Variants in SLC22A24 observed in about 807,000 individuals in gnomAD.
The protein encoded by SLC22A24 is steroid transmembrane transporter SLC22A24.
Under a neutral mutation model 49.8 loss-of-function variants are expected in SLC22A24, and 53 were observed. That is an observed-to-expected ratio of 1.06 (90% confidence interval 0.85 to 1.34). The LOEUF (loss-of-function observed/expected upper bound fraction) is 1.34, where lower values mean the gene tolerates loss of function less well. SLC22A24 is among the 40% of genes most tolerant of loss of function. SLC22A24 has a pLI of 0.00. For missense variants in SLC22A24, 786 were observed against 675.9 expected (o/e 1.16, Z -1.81); for synonymous variants, 302 against 256.4 (o/e 1.18, Z -1.70).
In SLC22A24 at chr11:63,143,363, C is replaced by T; in HGVS notation, c.402+15G>A. On this transcript the variant is annotated intron_variant, in intron 1 of 9. Transcript: ENST00000612278. ...TTTAATCATATAAACAGAAGATTTACATGGGGCCTCTTACCTCAGTCACGA... is the reference window on the plus strand; with the variant it reads ...TTTAATCATATAAACAGAAGATTTATATGGGGCCTCTTACCTCAGTCACGA... 1 of 1,433,694 alleles carries T rather than the reference C, an allele frequency of 7.0e-7. No homozygotes were observed. The highest frequency in any genetic ancestry group is 9.2e-7 in the Non-Finnish European group (1 of 1,090,998). The allele number at this position is 1,433,694 out of a possible 1,614,324, so 88.8% of individuals were successfully genotyped here. A position where few individuals can be genotyped will look rare whatever the true frequency, so the allele number is the denominator to read the frequency against.
chr11:63,121,942 T>G (rs1057418655), intron 2 of SLC22A24, among the ~76,000 whole-genome samples: 2 of 151,934 alleles, frequency 1.3e-5, no homozygotes, highest in Non-Finnish European at 2.9e-5. Context: ...AATAAACACA[T>G]GAGAAAGCCC....
intron 2 of SLC22A24, among the ~76,000 whole-genome samples, chr11:63,126,252 G>C (rs563718417): frequency 8.5e-5 from 13 of 152,236 alleles, no homozygotes; most frequent in Non-Finnish European, 1.6e-4. Context: ...GACCTGAATG[G>C]TATTGACTAG....
chr11:63,095,051 T>C (rs1459045824), intron 6 of SLC22A24, among the ~76,000 whole-genome samples: 2 of 152,214 alleles, frequency 1.3e-5, no homozygotes, highest in Non-Finnish European at 1.5e-5. Flanking sequence ...CATGAAGTCC[T>C]TGCCCATGCG....
chr11:63,143,470 T>A lies in SLC22A24; in HGVS notation c.310A>T (p.Thr104Ser), dbSNP rs1224486248. The change falls in exon 1 of 10, where the codon ACC (threonine) becomes TCC (serine). Residue 104 changes from threonine to serine, a missense_variant. Thr to Ser is a moderately conservative substitution (Grantham distance 58, BLOSUM62 1). Coordinates refer to ENST00000612278, the MANE Select transcript of SLC22A24 (RefSeq NM_001136506.2). ...PQWQLLHLNGTFPNTNEPDTE... is the reference protein window; with the variant it reads ...PQWQLLHLNGSFPNTNEPDTE... ...TCTGGCTCATTTGTGTTGGGGAAGG[T>A]CCCGTTCAGGTGAAGGAGCTGCCAC... 6.3e-7 allele frequency: 1 copy of A among 1,597,372 alleles called. No individual in the cohort carries two copies. The highest frequency in any genetic ancestry group is 8.5e-7 in the Non-Finnish European group (1 of 1,172,106).
At chr11:63,097,537 G>A (rs1164900989) in intron 5 of SLC22A24, among the ~76,000 whole-genome samples, 1 of 152,098 alleles carries the variant, frequency 6.6e-6, no homozygotes, top group Admixed American at 6.6e-5. Flanking sequence ...TCTAGAACCA[G>A]AAATACCATT....
chr11:63,094,433 A>G (rs2087040144), intron 6 of SLC22A24, among the ~76,000 whole-genome samples: 1 of 152,176 alleles, frequency 6.6e-6, no homozygotes. Context: ...TAGTGCCACA[A>G]TAAACATACA....
intron 2 of SLC22A24, among the ~76,000 whole-genome samples, chr11:63,121,526 C>CA (rs11430358): frequency 0.8 from 120,310 of 151,316 alleles, 48,893 homozygotes; most frequent in East Asian, 0.9. Context: ...TGGTGAATGA[C>CA]AAAGGTTAGA....
chr11:63,143,732 GA>G lies in SLC22A24; in HGVS notation c.47del (p.Phe16SerfsTer5), dbSNP rs1428500477. The G allele has an allele frequency of 1.3e-6, 2 of 1,501,066 alleles. No individual in the cohort carries two copies. The highest frequency in any genetic ancestry group is 1.8e-6 in the Non-Finnish European group (2 of 1,124,436). 93.0% of individuals were successfully genotyped at this position (1,501,066 alleles called of 1,614,324 possible). On this transcript the variant is annotated frameshift_variant, in exon 1 of 10. Coordinates refer to ENST00000612278, the MANE Select transcript of SLC22A24 (RefSeq NM_001136506.2). LOFTEE classifies it high-confidence loss of function. ...LLDQVGGMGRFQICLIAFFCI... is the reference protein window; with the variant it reads ...LLDQVGGMGRXQICLIAFFCI... ...AAAAGAAAGCTATCAGACAAATCTG[GA>G]ATCTCCCCATGCCACCCACTTGATC...
chr11:63,090,320 A>C (rs1411419089), intron 6 of SLC22A24, among the ~76,000 whole-genome samples: 1 of 152,024 alleles, frequency 6.6e-6, no homozygotes, highest in Non-Finnish European at 1.5e-5. Context: ...AGAATTAACA[A>C]GGGTATTCAG....
chr11:63,133,722 A>C (rs941856512), intron 2 of SLC22A24, among the ~76,000 whole-genome samples: 22 of 151,912 alleles, frequency 1.4e-4, no homozygotes, highest in Non-Finnish European at 2.5e-4. Flanking sequence ...GCTCACTGCA[A>C]CCTCTGCCTT....
At chr11:63,112,298 G>A (rs1181587252) in intron 4 of SLC22A24, among the ~76,000 whole-genome samples, 1 of 152,150 alleles carries the variant, frequency 6.6e-6, no homozygotes. Flanking sequence ...AATAAGTGTG[G>A]TGTAGTGCTG....
At chr11:63,114,835 G>T (rs2087200169) in intron 4 of SLC22A24, among the ~76,000 whole-genome samples, 1 of 152,210 alleles carries the variant, frequency 6.6e-6, no homozygotes, top group Admixed American at 6.5e-5. Flanking sequence ...AGGTCTGTTG[G>T]AGTTTGCTGG....
intron 6 of SLC22A24, among the ~76,000 whole-genome samples, chr11:63,087,584 C>T (rs771926630): frequency 2.6e-5 from 4 of 152,186 alleles, no homozygotes; most frequent in Non-Finnish European, 4.4e-5. Flanking sequence ...CATTTACTCC[C>T]CTCCCCTGGA....
chr11:63,136,528 A>G (rs572485478), intron 1 of SLC22A24, among the ~76,000 whole-genome samples: 19 of 152,354 alleles, frequency 1.2e-4, no homozygotes, highest in African/African-American at 4.3e-4. Flanking sequence ...CCTCTTGCCA[A>G]CTGACTCCCA....
chr11:63,099,823 A>G (rs1467195612), intron 5 of SLC22A24, among the ~76,000 whole-genome samples: 1 of 152,140 alleles, frequency 6.6e-6, no homozygotes, highest in African/African-American at 2.4e-5. Context: ...AAGGACAAAA[A>G]CTGCATAATC....
intron 4 of SLC22A24, among the ~76,000 whole-genome samples, chr11:63,117,948 C>G (rs187590279): frequency 4.6e-5 from 7 of 152,252 alleles, no homozygotes; most frequent in Admixed American, 1.3e-4. Context: ...ATTTTCAACT[C>G]TTTGTTAATT....
chr11:63,123,163 T>C (rs1333585490), intron 2 of SLC22A24, among the ~76,000 whole-genome samples: 1 of 152,078 alleles, frequency 6.6e-6, no homozygotes, highest in East Asian at 1.9e-4. Flanking sequence ...TGAAAATGAA[T>C]GCTAGTGAAA....
At chr11:63,082,964 A>G (rs555463591) in intron 7 of SLC22A24, among the ~76,000 whole-genome samples, 15 of 152,358 alleles carry the variant, frequency 9.8e-5, no homozygotes, top group African/African-American at 3.4e-4. Context: ...TTTCTAAAGA[A>G]ACCATTAGGT....
chr11:63,104,166 C>G lies in SLC22A24; in HGVS notation c.954+9G>C. The G allele has an allele frequency of 6.5e-7, 1 of 1,548,738 alleles. No individual in the cohort carries two copies. Among genetic ancestry groups the G allele is most frequent in the Non-Finnish European group, 8.7e-7 (1 of 1,146,702 alleles). On this transcript the variant is annotated intron_variant, in intron 5 of 9. Coordinates refer to ENST00000612278, the MANE Select transcript of SLC22A24 (RefSeq NM_001136506.2). ...TAATCACAGCAATCATTTCCCCTTT[C>G]CAGATCACCTCAGTGGTCAGTGTCT...
Sources: allele counts gnomAD v4.1 joint callset (sites outside exome capture counted in the v4.1 genomes callset), GRCh38; gene constraint gnomAD v4.1.1; transcripts MANE v1.5; gene names NCBI Gene and HGNC (gene_info 2026-07-23, HGNC 2026-07-21).